The following CUEDC2 variants were observed in gnomAD, a reference collection of about 807,000 sequenced individuals.
CUEDC2 encodes the protein CUE domain-containing protein 2.
CUEDC2 carries 10 observed loss-of-function variants against 36.0 expected under a neutral mutation model. The ratio of observed to expected loss-of-function variants is 0.28; its 90% CI spans 0.17 to 0.47. The LOEUF (loss-of-function observed/expected upper bound fraction) is 0.47, where lower values mean the gene tolerates loss of function less well. CUEDC2 is among the 20% of genes least tolerant of loss of function. CUEDC2 has a pLI of 0.99. For missense variants in CUEDC2, 269 were observed against 368.1 expected (o/e 0.73, Z 2.20); for synonymous variants, 133 against 141.8 (o/e 0.94, Z 0.44).
Position 102,424,485 on chromosome 10 carries a change from A to T in CUEDC2, c.280+14T>A. On this transcript the variant is annotated intron_variant, in intron 4 of 8. Coordinates refer to ENST00000369937, the MANE Select transcript of CUEDC2 (RefSeq NM_024040.3). The surrounding 1 kb of genome is among the most constrained non-coding windows in gnomAD (Gnocchi z 4.2). ...GATTATGAATCACTCAGGTGCCCAGAGCCCCAGACTCACCTTTGTTCCTGG... is the reference window on the plus strand; with the variant it reads ...GATTATGAATCACTCAGGTGCCCAGTGCCCCAGACTCACCTTTGTTCCTGG... 2.5e-6 allele frequency: 4 copies of T among 1,614,048 alleles called. No homozygotes were observed. Among genetic ancestry groups the T allele is most frequent in the Non-Finnish European group, 3.4e-6 (4 of 1,179,996 alleles).
chr10:102,432,037 C>T (rs901083594), intron 1 of CUEDC2, among the ~76,000 whole-genome samples: 1 of 152,134 alleles, frequency 6.6e-6, no homozygotes, highest in Non-Finnish European at 1.5e-5. Flanking sequence ...GTCTTCACTG[C>T]TTCTCCCAGC....
At chr10:102,431,403 C>T (rs1484468525) in intron 1 of CUEDC2, among the ~76,000 whole-genome samples, 1 of 152,204 alleles carries the variant, frequency 6.6e-6, no homozygotes, top group African/African-American at 2.4e-5. Context: ...CTCGGTCTCC[C>T]AAAGTGCTGG....
At position 102,423,326 on chromosome 10, in the gene CUEDC2, AG is replaced by A; in HGVS notation, c.*99del. 7.2e-7 allele frequency: 1 copy of A among 1,395,408 alleles called. No individual in the cohort carries two copies. Among genetic ancestry groups the A allele is most frequent in the Non-Finnish European group, 1.0e-6 (1 of 993,486 alleles). 86.4% of individuals were successfully genotyped at this position (1,395,408 alleles called of 1,614,324 possible). ...ACACTATGGAGCAAAGGAGTAGAGA[AG>A]GGGGACAGGAGTTAGGGGGCCCCTG... On this transcript the variant is annotated 3_prime_UTR_variant, in exon 9 of 9. Transcript: ENST00000369937. This position sits in a 1 kb window ranked among gnomAD's most constrained non-coding sequence, Gnocchi z 5.6.
In CUEDC2 at chr10:102,424,944, T is replaced by C; in HGVS notation, c.75-152A>G. On this transcript the variant is annotated intron_variant, in intron 2 of 8. Transcript: ENST00000369937. This position sits in a 1 kb window ranked among gnomAD's most constrained non-coding sequence, Gnocchi z 4.2. ...AGAGTATAACCCCCTCCCTCAGAGCTATGGTTTCCCATCTGCCCAACAAAG... is the reference window on the plus strand; with the variant it reads ...AGAGTATAACCCCCTCCCTCAGAGCCATGGTTTCCCATCTGCCCAACAAAG... 9.8e-7 allele frequency: 1 copy of C among 1,020,470 alleles called. No homozygotes were observed. The highest frequency in any genetic ancestry group is 1.4e-6 in the Non-Finnish European group (1 of 695,892). The allele number at this position is 1,020,470 out of a possible 1,614,324, so 63.2% of individuals were successfully genotyped here.
At chr10:102,430,714 G>GTACT (rs2061614119) in intron 1 of CUEDC2, among the ~76,000 whole-genome samples, 1 of 152,030 alleles carries the variant, frequency 6.6e-6, no homozygotes. Flanking sequence ...CCCATCCCCG[G>GTACT]TAGCCTTCCT....
rs1324777151 is a variant in CUEDC2, at chr10:102,425,208, C to A, written c.-10-10G>T. ...CTCCATGCTCTCTCTTCTGAAGGGA[C>A]ACAGACAGGATGGCCAGGCCTTCTT... On this transcript the variant is annotated splice_polypyrimidine_tract_variant and intron_variant, in intron 1 of 8. Coordinates refer to ENST00000369937, the MANE Select transcript of CUEDC2 (RefSeq NM_024040.3). 6.2e-7 allele frequency: 1 copy of A among 1,609,162 alleles called. No individual in the cohort carries two copies. Among genetic ancestry groups the A allele is most frequent in the Non-Finnish European group, 8.5e-7 (1 of 1,176,192 alleles).
chr10:102,424,753 G>A lies in CUEDC2; in HGVS notation c.114C>T (p.Val38=). 6.2e-7 allele frequency: 1 copy of A among 1,613,970 alleles called. No individual in the cohort carries two copies. The highest frequency in any genetic ancestry group is 1.1e-5 in the South Asian group (1 of 91,080). ...GGCCCGAGGGGCCCAGGTCCTCCAG[G>A]ACCCCAAGCACATAGGAGAAGATGA... is the stretch of plus-strand genomic sequence containing the variant. The part of the protein sequence containing the change: ...DEVIFSYVLG[V]LEDLGPSGPS... The change falls in exon 3 of 9, where the codon GTC becomes GTT. Residue 38 remains valine (V), a synonymous_variant. Coordinates refer to ENST00000369937, the MANE Select transcript of CUEDC2 (RefSeq NM_024040.3). This position sits in a 1 kb window ranked among gnomAD's most constrained non-coding sequence, Gnocchi z 4.2.
chr10:102,424,707 T>A lies in CUEDC2; in HGVS notation c.160A>T (p.Met54Leu), dbSNP rs2061589513. Reference protein sequence around the residue: ...PSGPSEENFDMEAFTEMMEAY... With the variant: ...PSGPSEENFDLEAFTEMMEAY... Reference sequence around the variant, plus strand: ...TCCATCATCTCAGTGAAAGCCTCCATATCGAAGTTCTCCTCTGATGGGCCC... The same window carrying A: ...TCCATCATCTCAGTGAAAGCCTCCAAATCGAAGTTCTCCTCTGATGGGCCC... The change falls in exon 3 of 9, where the codon ATG becomes TTG. Residue 54 changes from methionine (M) to leucine (L), a missense_variant. Physicochemically the swap from Met to Leu is conservative, Grantham distance 15 (BLOSUM62 2). Transcript: ENST00000369937. The surrounding 1 kb of genome is among the most constrained non-coding windows in gnomAD (Gnocchi z 4.2). 2 of 1,614,002 alleles carry A rather than the reference T, an allele frequency of 1.2e-6. No individual in the cohort carries two copies. Among genetic ancestry groups the A allele is most frequent in the Non-Finnish European group, 8.5e-7 (1 of 1,180,006 alleles).
At chr10:102,425,715 T>C (rs1228624418) in intron 1 of CUEDC2, among the ~76,000 whole-genome samples, 3 of 151,874 alleles carry the variant, frequency 2.0e-5, no homozygotes, top group Non-Finnish European at 4.4e-5. Context: ...GGGAAGCCTT[T>C]CATGGATTCT....
intron 1 of CUEDC2, among the ~76,000 whole-genome samples, chr10:102,429,213 G>T (rs2061608185): frequency 6.6e-6 from 1 of 152,040 alleles, no homozygotes; most frequent in Admixed American, 6.5e-5. Flanking sequence ...AATGTTTAAT[G>T]TTTCTTCCAG....
rs1201613949 is a variant in CUEDC2 at position 102,424,240 on chromosome 10, A to T, written c.411+24T>A. On this transcript the variant is annotated intron_variant, in intron 5 of 8. Transcript: ENST00000369937. The surrounding 1 kb of genome is among the most constrained non-coding windows in gnomAD (Gnocchi z 4.2). ...CCCTTTCCAGCCCCCTGGGTCCCTC[A>T]TCGGTACCCTCCTCTACCAGTACCT... 2.5e-6 allele frequency: 4 copies of T among 1,611,860 alleles called. No individual in the cohort carries two copies. The highest frequency in any genetic ancestry group is 3.3e-4 in the Middle Eastern group (2 of 6,054).
rs778209755 is a variant in CUEDC2, at chr10:102,423,698, C to A, written c.676G>T (p.Ala226Ser). The A allele has an allele frequency of 6.8e-6, 11 of 1,614,086 alleles. No homozygotes were observed. The highest frequency in any genetic ancestry group is 2.7e-5 in the African/African-American group (2 of 74,938). Residue 226 changes from alanine to serine, a missense_variant, in exon 8 of 9, where the codon GCA (alanine) becomes TCA (serine). Transcript: ENST00000369937. The surrounding 1 kb of genome is among the most constrained non-coding windows in gnomAD (Gnocchi z 5.6). ...GGCCGGTGAATCTTCTGATCCTCTG[C>A]GCTATCCACCATCATGTACCTGTCA... ...ILQKYMMVDS[A>S]EDQKIHRPMA...
At chr10:102,425,306 A>G in intron 1 of CUEDC2, 108 bp from the exon 2 acceptor site, 1 of 752,888 alleles carries the variant, frequency 1.3e-6, no homozygotes, top group Non-Finnish European at 2.3e-6. Flanking sequence ...CCATCTGTTG[A>G]TGCTGCCCTC....
At position 102,424,177 on chromosome 10, in the gene CUEDC2, G is replaced by A; in HGVS notation, c.413C>T (p.Ala138Val). 1 of 1,613,792 alleles carries A rather than the reference G, an allele frequency of 6.2e-7. No individual in the cohort carries two copies. The change falls in exon 6 of 9, where the codon GCA (alanine) becomes GTA (valine). Residue 138 changes from alanine (A) to valine (V), a missense_variant and splice_region_variant. Ala to Val is a moderately conservative substitution (Grantham distance 64). Coordinates refer to ENST00000369937, the MANE Select transcript of CUEDC2 (RefSeq NM_024040.3). This position sits in a 1 kb window ranked among gnomAD's most constrained non-coding sequence, Gnocchi z 4.2. ...CAGAAGCTCCTCCTCAGCGCCAGTT[G>A]CCTAAGGGTACAAACGTTAACAAGA... Reference protein sequence around the residue: ...AAAAADTQDEATGAEEELLPG... With the variant: ...AAAAADTQDEVTGAEEELLPG...
At chr10:102,426,171 C>G (rs2061595761) in intron 1 of CUEDC2, among the ~76,000 whole-genome samples, 1 of 152,146 alleles carries the variant, frequency 6.6e-6, no homozygotes, top group Non-Finnish European at 1.5e-5. Context: ...ATGAGTGTAA[C>G]CCTAGCACCT....
In CUEDC2 at chr10:102,424,466, G is replaced by C; in HGVS notation, c.280+33C>G. On this transcript the variant is annotated intron_variant, in intron 4 of 8. Transcript: ENST00000369937. This position sits in a 1 kb window ranked among gnomAD's most constrained non-coding sequence, Gnocchi z 4.2. ...CAGGCAGTTGGGGGAGCGGGATTAT[G>C]AATCACTCAGGTGCCCAGAGCCCCA... The C allele has an allele frequency of 6.2e-7, 1 of 1,614,060 alleles. No individual in the cohort carries two copies. Among genetic ancestry groups the C allele is most frequent in the Non-Finnish European group, 8.5e-7 (1 of 1,179,992 alleles).
At position 102,424,798 on chromosome 10, in the gene CUEDC2, G is replaced by A. The variant is rs1306180478; in HGVS notation, c.75-6C>T. On this transcript the variant is annotated splice_region_variant and splice_polypyrimidine_tract_variant and intron_variant, in intron 2 of 8. Coordinates refer to ENST00000369937, the MANE Select transcript of CUEDC2 (RefSeq NM_024040.3). The surrounding 1 kb of genome is among the most constrained non-coding windows in gnomAD (Gnocchi z 4.2). Reference sequence around the variant, plus strand: ...AGATGACCTCATCCAAGCCACTGCAGGAAGGGAACAGGACAAGCCCTGGGT... The same window carrying A: ...AGATGACCTCATCCAAGCCACTGCAAGAAGGGAACAGGACAAGCCCTGGGT... The A allele has an allele frequency of 3.7e-6, 6 of 1,612,710 alleles. No individual in the cohort carries two copies. The highest frequency in any genetic ancestry group is 5.1e-6 in the Non-Finnish European group (6 of 1,179,888).
At position 102,423,595 on chromosome 10, in the gene CUEDC2, T is replaced by C. The variant is rs1309153207; in HGVS notation, c.718-23A>G. 1.2e-6 allele frequency: 2 copies of C among 1,614,080 alleles called. No homozygotes were observed. Among genetic ancestry groups the C allele is most frequent in the Non-Finnish European group, 1.7e-6 (2 of 1,180,006 alleles). On this transcript the variant is annotated intron_variant, in intron 8 of 8. Transcript: ENST00000369937. This position sits in a 1 kb window ranked among gnomAD's most constrained non-coding sequence, Gnocchi z 5.6. ...GGCCTGTCAGGCAATCAGCAGTGAG[T>C]GGCAGAAGCCAGGAGCCAGTCCCAC...
intron 1 of CUEDC2, among the ~76,000 whole-genome samples, chr10:102,426,098 C>T (rs964353001): frequency 2.0e-5 from 3 of 152,352 alleles, no homozygotes; most frequent in East Asian, 3.9e-4. Context: ...TATTGTCTGT[C>T]TGCCCCCATA....
Sources: gnomAD v4.1 joint callset for allele counts (sites outside exome capture counted in the v4.1 genomes callset) on GRCh38, gnomAD v4.1.1 for gene constraint, Gnocchi (gnomAD v3.1) non-coding constraint, MANE v1.5 for transcripts, NCBI Gene and HGNC (gene_info 2026-07-23, HGNC 2026-07-21) for gene names.